PCNX2: variants seen among roughly 807,000 people sequenced by gnomAD.
PCNX2 encodes pecanex-like protein 2.
A neutral mutation model predicts 223.8 loss-of-function variants in PCNX2; 168 were observed. That is an observed-to-expected ratio of 0.75 (90% CI 0.66 to 0.85). The LOEUF is 0.85. Among genes scored for constraint, PCNX2 ranks in the 40% least tolerant of loss-of-function variants. PCNX2 has a pLI of 0.00. For synonymous variants in PCNX2, 1,006 were observed against 1,052.6 expected (o/e 0.96, Z 0.86); for missense variants, 2,507 against 2,675.5 (o/e 0.94, Z 1.39).
intron 25 of PCNX2, among the ~76,000 whole-genome samples, chr1:233,049,226 C>G (rs971052093): frequency 6.6e-6 from 1 of 152,010 alleles, no homozygotes; most frequent in Non-Finnish European, 1.5e-5. Context: ...AATATAGATA[C>G]AAAAATCTTC....
At chr1:233,299,947 G>A (rs1662233181), upstream of PCNX2, among the ~76,000 whole-genome samples, 1 of 152,154 alleles carries the variant, frequency 6.6e-6, no homozygotes. Context: ...AACAGTCCAA[G>A]TGCCCTCTAC....
chr1:233,221,794 T>C (rs532150518), intron 10 of PCNX2, among the ~76,000 whole-genome samples: 59 of 152,280 alleles, frequency 3.9e-4, no homozygotes, highest in Non-Finnish European at 6.9e-4. Context: ...AACGAAGGAC[T>C]GATTGAAAGA....
chr1:233,020,327 C>T (rs1244559693), intron 26 of PCNX2, among the ~76,000 whole-genome samples: 3 of 152,242 alleles, frequency 2.0e-5, no homozygotes, highest in South Asian at 2.1e-4. Context: ...CTAGGCAGAA[C>T]TTCTGTCACG....
intron 21 of PCNX2, among the ~76,000 whole-genome samples, chr1:233,098,249 G>A (rs1558228868): frequency 6.6e-6 from 1 of 152,150 alleles, no homozygotes; most frequent in Non-Finnish European, 1.5e-5. Context: ...CTGATAAGTA[G>A]GTCAGCTACA....
At chr1:233,080,580 C>A (rs77466064) in intron 23 of PCNX2, among the ~76,000 whole-genome samples, 2,643 of 152,174 alleles carry the variant, frequency 0.017, 31 homozygotes, top group East Asian at 0.053. Flanking sequence ...TATTAAGGGC[C>A]TCTTCCAGGT....
intron 10 of PCNX2, among the ~76,000 whole-genome samples, chr1:233,223,890 C>A (rs1657542101): frequency 6.6e-6 from 1 of 152,154 alleles, no homozygotes; most frequent in South Asian, 2.1e-4. Flanking sequence ...CATTTTATAT[C>A]TCAGTTTGTG....
intron 19 of PCNX2, among the ~76,000 whole-genome samples, chr1:233,142,678 C>A (rs1435364374): frequency 6.6e-6 from 1 of 152,306 alleles, no homozygotes; most frequent in East Asian, 1.9e-4. Context: ...ACACCTCTGC[C>A]CCTGGGTATT....
chr1:233,282,478 G>A (rs192138141), intron 1 of PCNX2, among the ~76,000 whole-genome samples: 1 of 152,176 alleles, frequency 6.6e-6, no homozygotes, highest in South Asian at 2.1e-4. Flanking sequence ...CTAGGTGTTC[G>A]GTTTCCCTAC....
intron 25 of PCNX2, among the ~76,000 whole-genome samples, chr1:233,029,163 C>T (rs2102839656): frequency 6.6e-6 from 1 of 152,150 alleles, no homozygotes; most frequent in East Asian, 1.9e-4. Context: ...AATTGAGCAA[C>T]TTTTGGTATT....
At chr1:233,315,574 C>T in the PCNX2 span, among the ~76,000 whole-genome samples, 1 of 152,152 alleles carries the variant, frequency 6.6e-6, no homozygotes, top group Non-Finnish European at 1.5e-5. Flanking sequence ...ATGAATGTCG[C>T]AGTCCACTTT....
At chr1:233,103,820 A>C (rs572678615) in intron 21 of PCNX2, among the ~76,000 whole-genome samples, 1 of 152,312 alleles carries the variant, frequency 6.6e-6, no homozygotes, top group Non-Finnish European at 1.5e-5. Flanking sequence ...TTGCTGGATC[A>C]TATGGAAACT....
intron 20 of PCNX2, among the ~76,000 whole-genome samples, chr1:233,137,488 A>G (rs1043716802): frequency 6.6e-5 from 10 of 152,330 alleles, no homozygotes; most frequent in East Asian, 1.9e-4. Context: ...ATTTATTTCA[A>G]TGTTTAACAT....
chr1:233,031,611 C>T (rs181546727), intron 25 of PCNX2, among the ~76,000 whole-genome samples: 2 of 152,238 alleles, frequency 1.3e-5, no homozygotes. Context: ...TCGTAATGCA[C>T]ATTCAGAGCT....
In PCNX2 at chr1:233,189,526, G is replaced by A. The variant is rs560727941; in HGVS notation, c.3066+9413C>T. Reference sequence around the variant, plus strand: ...CCTCATTTTAAATAATAAAATGAAGGAATTGCACTAGGAGGCATCTCAGGT... The same window carrying A: ...CCTCATTTTAAATAATAAAATGAAGAAATTGCACTAGGAGGCATCTCAGGT... On this transcript the variant is annotated intron_variant, in intron 15 of 33. Transcript: ENST00000258229. Among the ~76,000 whole-genome samples, 3 of 152,224 alleles carry A rather than the reference G, an allele frequency of 2.0e-5. No homozygotes were observed. In the East Asian group the frequency reaches 5.8e-4, roughly 29 times the overall value.
rs61741049 is a variant in PCNX2 at position 232,984,475 on chromosome 1, G to T, written c.6243C>A (p.His2081Gln). 6 of 1,611,928 alleles carry T rather than the reference G, an allele frequency of 3.7e-6. No individual in the cohort carries two copies. Among genetic ancestry groups the T allele is most frequent in the Admixed American group, 1.7e-5 (1 of 59,610 alleles). The change falls in exon 34 of 34, where the codon CAC becomes CAA. Residue 2081 changes from histidine to glutamine, a missense_variant and splice_region_variant. Coordinates refer to ENST00000258229, the MANE Select transcript of PCNX2 (RefSeq NM_014801.4). ...CAGGGGGCTCACATGGCTCGGAGAG[G>T]TGCTTCCAAAGAGAAGAGAGAAACA... is the stretch of plus-strand genomic sequence containing the variant. The part of the protein sequence containing the change: ...SARAASQATR[H>Q]LSEPCEPPDA...
intron 15 of PCNX2, among the ~76,000 whole-genome samples, chr1:233,184,722 G>C (rs1572037499): frequency 6.6e-6 from 1 of 152,036 alleles, no homozygotes; most frequent in East Asian, 1.9e-4. Context: ...AATAGCTTTG[G>C]GGTAAATTGT....
At chr1:233,215,575 C>A (rs1433154685) in intron 12 of PCNX2, among the ~76,000 whole-genome samples, 1 of 152,192 alleles carries the variant, frequency 6.6e-6, no homozygotes, top group Non-Finnish European at 1.5e-5. Context: ...TGCCATCCAC[C>A]TTTACTGGGA....
chr1:233,121,322 G>A (rs61402180), intron 21 of PCNX2, among the ~76,000 whole-genome samples: 22,802 of 152,028 alleles, frequency 0.15, 1,882 homozygotes, highest in East Asian at 0.24. Flanking sequence ...CAGATCTAGA[G>A]AACTGATTCT....
chr1:233,284,611 A>G (rs1661351215), intron 1 of PCNX2, among the ~76,000 whole-genome samples: 1 of 152,114 alleles, frequency 6.6e-6, no homozygotes, highest in Non-Finnish European at 1.5e-5. Context: ...TGCATGGGAG[A>G]AGACATCAAT....
Sources: allele counts gnomAD v4.1 joint callset (sites outside exome capture counted in the v4.1 genomes callset), GRCh38; gene constraint gnomAD v4.1.1; transcripts MANE v1.5; gene names NCBI Gene and HGNC (gene_info 2026-07-23, HGNC 2026-07-21).